Variants in GALNT8 observed in about 807,000 individuals in gnomAD.
The protein encoded by GALNT8 is polypeptide N-acetylgalactosaminyltransferase 8.
A neutral mutation model predicts 62.7 loss-of-function variants in GALNT8; 66 were observed. That is an observed-to-expected ratio of 1.05 (90% confidence interval 0.86 to 1.29). The LOEUF (loss-of-function observed/expected upper bound fraction) is 1.29. GALNT8 is among the 50% of genes most tolerant of loss of function. GALNT8 has a pLI of 0.00. For synonymous variants in GALNT8, 288 were observed against 294.3 expected, an observed-to-expected ratio of 0.98 and a Z score of 0.22; for missense variants, 771 against 791.8, an observed-to-expected ratio of 0.97 and a Z score of 0.32.
In GALNT8 at chr12:4,734,638, T is replaced by A. The variant is rs1946236426; in HGVS notation, c.510-4525T>A. Among the ~76,000 whole-genome samples, 3 of 132,106 alleles carry A rather than the reference T, an allele frequency of 2.3e-5. No homozygotes were observed. In the South Asian group the frequency reaches 6.7e-4, roughly 29 times the overall value. The allele number at this position is 132,106 out of a possible 152,430, so 86.7% of individuals were successfully genotyped here. A position where few individuals can be genotyped will look rare whatever the true frequency, so the allele number is the denominator to read the frequency against. ...GGCGTCCACATGTGGCTGATTACCT[T>A]CTGTTGTCCTCATGGCAGCCTGAAT... On this transcript the variant is annotated intron_variant, in intron 2 of 10. Coordinates refer to ENST00000252318, the MANE Select transcript of GALNT8 (RefSeq NM_017417.2).
Position 4,720,639 on chromosome 12 carries a change from A to G in GALNT8, c.-39A>G. The G allele has an allele frequency of 7.9e-7, 1 of 1,260,288 alleles. No individual in the cohort carries two copies. The highest frequency in any genetic ancestry group is 1.2e-6 in the Non-Finnish European group (1 of 856,988). The allele number at this position is 1,260,288 out of a possible 1,614,324, so 78.1% of individuals were successfully genotyped here. A position where few individuals can be genotyped will look rare whatever the true frequency, so the allele number is the denominator to read the frequency against. On this transcript the variant is annotated 5_prime_UTR_variant, in exon 1 of 11. Transcript: ENST00000252318. ...TCTTAACCTGCTCCAGCAGTGACACACTCAGTCCCACAGGGAGTGGACGAC... is the reference window on the plus strand; with the variant it reads ...TCTTAACCTGCTCCAGCAGTGACACGCTCAGTCCCACAGGGAGTGGACGAC...
At position 4,772,427 on chromosome 12, in the gene GALNT8, G is replaced by A. The variant is rs1313518044; in HGVS notation, c.1762-18G>A. 6.2e-7 allele frequency: 1 copy of A among 1,610,970 alleles called. No individual in the cohort carries two copies. The highest frequency in any genetic ancestry group is 8.5e-7 in the Non-Finnish European group (1 of 1,178,472). ...TGAGGCATTTCAGCACCTTGGCTCT[G>A]TCTCTCTTCCCCTCCAGGGAGGAGC... On this transcript the variant is annotated intron_variant, in intron 10 of 10. Transcript: ENST00000252318.
chr12:4,744,615 G>A lies in GALNT8; in HGVS notation c.775G>A (p.Ala259Thr). 1 of 1,613,802 alleles carries A rather than the reference G, an allele frequency of 6.2e-7. No homozygotes were observed. ...IIRHPERKGLAQARNTGWEAA... is the reference protein window; with the variant it reads ...IIRHPERKGLTQARNTGWEAA... ...ACGGCATCCTGAAAGGAAAGGTCTT[G>A]CTCAAGCCCGCAACACTGGCTGGGA... The change falls in exon 4 of 11, where the codon GCT becomes ACT. Residue 259 changes from alanine (A) to threonine (T), a missense_variant. By Grantham distance (58) the Ala-to-Thr change is moderately conservative. Coordinates refer to ENST00000252318, the MANE Select transcript of GALNT8 (RefSeq NM_017417.2).
In GALNT8 at chr12:4,765,380, A is replaced by G; in HGVS notation, c.1595A>G (p.Asn532Ser). Reference protein sequence around the residue: ...MYYCHEFSSQNVYYHLTGELY... With the variant: ...MYYCHEFSSQSVYYHLTGELY... ...TTTTTTTTTTTTTTTTTTTTTTAGA[A>G]TGTCTACTATCACCTAACTGGGGAG... is the stretch of plus-strand genomic sequence containing the variant. Residue 532 changes from asparagine to serine, a missense_variant and splice_region_variant, in exon 10 of 11, where the codon AAT becomes AGT. Coordinates refer to ENST00000252318, the MANE Select transcript of GALNT8 (RefSeq NM_017417.2). The G allele has an allele frequency of 1.0e-6, 1 of 952,582 alleles. No homozygotes were observed. The highest frequency in any genetic ancestry group is 1.5e-6 in the Non-Finnish European group (1 of 664,454). 59.0% of individuals were successfully genotyped at this position (952,582 alleles called of 1,614,324 possible).
chr12:4,731,684 T>A (rs1946222604), intron 2 of GALNT8, among the ~76,000 whole-genome samples: 1 of 152,226 alleles, frequency 6.6e-6, no homozygotes, highest in South Asian at 2.1e-4. Flanking sequence ...TGAGATTTTT[T>A]ATCATGAAAA....
At chr12:4,761,928 T>C (rs1946375093) in intron 7 of GALNT8, among the ~76,000 whole-genome samples, 1 of 152,098 alleles carries the variant, frequency 6.6e-6, no homozygotes, top group Admixed American at 6.5e-5. Context: ...GGAGTCAGGA[T>C]GGTGGGTAAC....
intron 6 of GALNT8, among the ~76,000 whole-genome samples, chr12:4,755,779 A>G (rs981197935): frequency 2.0e-5 from 3 of 152,220 alleles, no homozygotes; most frequent in African/African-American, 4.8e-5. Context: ...ATGTCAGTGT[A>G]TTGGTTAACT....
chr12:4,726,542 G>T lies in GALNT8; in HGVS notation c.222G>T (p.Met74Ile). 1 of 1,609,994 alleles carries T rather than the reference G, an allele frequency of 6.2e-7. No individual in the cohort carries two copies. Among genetic ancestry groups the T allele is most frequent in the South Asian group, 1.1e-5 (1 of 90,770 alleles). The change falls in exon 2 of 11, where the codon ATG (methionine) becomes ATT (isoleucine). Residue 74 changes from methionine (M) to isoleucine (I), a missense_variant. Coordinates refer to ENST00000252318, the MANE Select transcript of GALNT8 (RefSeq NM_017417.2). This position sits in a 1 kb window ranked among gnomAD's most constrained non-coding sequence, Gnocchi z 4.1. The part of the protein sequence containing the change: ...EVELQDLKES[M>I]KLALRQQENV... ...CCTCTTCATTTGCAGAAGAAAGTAT[G>T]AAATTAGCTCTGAGGCAACAAGAAA...
intron 3 of GALNT8, 59 bp downstream of exon 3, chr12:4,739,388 T>A: frequency 7.0e-7 from 1 of 1,432,130 alleles, no homozygotes; most frequent in Non-Finnish European, 9.7e-7. Context: ...TGTGCTTGGC[T>A]GGAAAGAGGT....
intron 6 of GALNT8, among the ~76,000 whole-genome samples, chr12:4,753,481 G>T (rs1946331046): frequency 6.6e-6 from 1 of 152,080 alleles, no homozygotes; most frequent in Non-Finnish European, 1.5e-5. Flanking sequence ...TCTTCAGTAT[G>T]CCAGTTGCAT....
intron 10 of GALNT8, chr12:4,768,523 C>G (rs73038876): frequency 0.13 from 42,586 of 329,940 alleles, 3,234 homozygotes; most frequent in Middle Eastern, 0.21. Flanking sequence ...TGATCGCCTT[C>G]TCAGCTGACT....
Position 4,745,586 on chromosome 12 carries a change from C to T in GALNT8, c.1018C>T (p.Gln340Ter), listed in dbSNP as rs1946295159. Reference sequence around the variant, plus strand: ...CTGGTGCCGCTACGATGCACTGCCACAAGCCTGGATTGATCTGCATGATGT... The same window carrying T: ...CTGGTGCCGCTACGATGCACTGCCATAAGCCTGGATTGATCTGCATGATGT... ...ELWCRYDALPQAWIDLHDVTA... is the reference protein window; with the variant it reads ...ELWCRYDALP Residue 340 changes from glutamine (Q) to a stop codon, truncating the protein, a stop_gained, in exon 5 of 11, where the codon CAA (glutamine) becomes TAA (stop). Coordinates refer to ENST00000252318, the MANE Select transcript of GALNT8 (RefSeq NM_017417.2). LOFTEE classifies it high-confidence loss of function. 6.2e-7 allele frequency: 1 copy of T among 1,614,030 alleles called. No individual in the cohort carries two copies. Among genetic ancestry groups the T allele is most frequent in the African/African-American group, 1.3e-5 (1 of 75,036 alleles).
chr12:4,733,718 A>G (rs1946230816), intron 2 of GALNT8, among the ~76,000 whole-genome samples: 1 of 152,242 alleles, frequency 6.6e-6, no homozygotes, highest in Non-Finnish European at 1.5e-5. Context: ...TTAAATATTC[A>G]TCATCCTCAG....
rs960717633 is a variant in GALNT8, at chr12:4,726,980, A to G, written c.509+151A>G. ...GTTGTTGTTTTCAATTTATTTTATA[A>G]TGACAGCTCAGAGAAGATAACCAAC... On this transcript the variant is annotated intron_variant, in intron 2 of 10. Transcript: ENST00000252318. This position sits in a 1 kb window ranked among gnomAD's most constrained non-coding sequence, Gnocchi z 4.1. The G allele has an allele frequency of 1.4e-5, 9 of 643,730 alleles. No individual in the cohort carries two copies. Among genetic ancestry groups the G allele is most frequent in the Admixed American group, 5.9e-5 (2 of 34,058 alleles). 39.9% of individuals were successfully genotyped at this position (643,730 alleles called of 1,614,324 possible). A position where few individuals can be genotyped will look rare whatever the true frequency, so the allele number is the denominator to read the frequency against.
At chr12:4,750,263 G>A (rs1946316687) in intron 6 of GALNT8, among the ~76,000 whole-genome samples, 1 of 151,944 alleles carries the variant, frequency 6.6e-6, no homozygotes, top group Admixed American at 6.6e-5. Context: ...GTGGCTTATT[G>A]TACAGATTAT....
chr12:4,741,700 A>G (rs1380680282), intron 3 of GALNT8, among the ~76,000 whole-genome samples: 2 of 152,214 alleles, frequency 1.3e-5, no homozygotes, highest in African/African-American at 4.8e-5. Context: ...CAAGATTACA[A>G]ACACGGGGTA....
In GALNT8 at chr12:4,761,273, A is replaced by C. The variant is rs1001501961; in HGVS notation, c.1359+130A>C. 3.0e-5 allele frequency: 20 copies of C among 675,294 alleles called. No homozygotes were observed. In the Middle Eastern group the frequency reaches 7.5e-4, roughly 25 times the overall value. The allele number at this position is 675,294 out of a possible 1,614,324, so 41.8% of individuals were successfully genotyped here. A position where few individuals can be genotyped will look rare whatever the true frequency, so the allele number is the denominator to read the frequency against. ...ATTAGGGTAAGGTCCTGATGGTGTGATAATAATGGCTCTTAACATTTATGT... is the reference window on the plus strand; with the variant it reads ...ATTAGGGTAAGGTCCTGATGGTGTGCTAATAATGGCTCTTAACATTTATGT... On this transcript the variant is annotated intron_variant, in intron 7 of 10. Coordinates refer to ENST00000252318, the MANE Select transcript of GALNT8 (RefSeq NM_017417.2).
Position 4,739,232 on chromosome 12 carries a change from T to G in GALNT8, c.579T>G (p.Ala193=). The change falls in exon 3 of 11, where the codon GCT becomes GCG. Residue 193 remains alanine (A), a synonymous_variant. Coordinates refer to ENST00000252318, the MANE Select transcript of GALNT8 (RefSeq NM_017417.2). ...LSVILIFVNE[A]LSIIQRAITS... ...TCATTCTCATATTCGTGAATGAAGC[T>G]CTGTCCATTATACAACGGGCCATCA... 1.9e-6 allele frequency: 3 copies of G among 1,612,916 alleles called. No individual in the cohort carries two copies. Among genetic ancestry groups the G allele is most frequent in the East Asian group, 2.2e-5 (1 of 44,880 alleles).
intron 2 of GALNT8, among the ~76,000 whole-genome samples, chr12:4,731,203 A>G (rs946872570): frequency 3.9e-5 from 6 of 152,308 alleles, no homozygotes; most frequent in East Asian, 3.9e-4. Flanking sequence ...TTTTCTATGT[A>G]GATATCTTTC....
Sources: gnomAD v4.1 joint callset for allele counts (sites outside exome capture counted in the v4.1 genomes callset) on GRCh38, gnomAD v4.1.1 for gene constraint, Gnocchi (gnomAD v3.1) non-coding constraint, MANE v1.5 for transcripts, NCBI Gene and HGNC (gene_info 2026-07-23, HGNC 2026-07-21) for gene names.